Variants in ROBO2 observed in about 807,000 individuals in gnomAD.
The protein encoded by ROBO2 is roundabout homolog 2.
In ROBO2, 53 loss-of-function variants were observed where a neutral mutation model predicts 160.8. The observed-to-expected ratio is 0.33, with a 90% CI of 0.26 to 0.41. The LOEUF is 0.41. Among genes scored for constraint, ROBO2 ranks in the 10% least tolerant of loss-of-function variants. The probability of loss-of-function intolerance (pLI) is 1.00; values close to 1 mark genes in which losing one functional copy is unlikely to be tolerated. For missense variants in ROBO2, 1,577 were observed against 1,722.4 expected (o/e 0.92, Z 1.49); for synonymous variants, 664 against 611.7 (o/e 1.09, Z -1.26).
intron 2 of ROBO2, among the ~76,000 whole-genome samples, chr3:76,273,392 A>G (rs1308919103): frequency 1.3e-5 from 2 of 151,896 alleles, no homozygotes; most frequent in Non-Finnish European, 2.9e-5. Context: ...TGCTACTGTA[A>G]CAGAATAACA....
intron 5 of ROBO2, among the ~76,000 whole-genome samples, chr3:77,512,578 C>A (rs1354137597): frequency 6.6e-6 from 1 of 151,834 alleles, no homozygotes; most frequent in Non-Finnish European, 1.5e-5. Flanking sequence ...GTACAGGGTT[C>A]CATAAGATGA....
At chr3:76,546,754 A>G (rs2083126973) in intron 2 of ROBO2, among the ~76,000 whole-genome samples, 1 of 151,832 alleles carries the variant, frequency 6.6e-6, no homozygotes, top group Non-Finnish European at 1.5e-5. Context: ...ACAGTAAATT[A>G]TTTTTTGTTT....
Position 76,628,670 on chromosome 3 carries a change from C to A in ROBO2, c.110-469344C>A, listed in dbSNP as rs1454035061. Among the ~76,000 whole-genome samples, 4 of 152,116 alleles carry A rather than the reference C, an allele frequency of 2.6e-5. No homozygotes were observed. In the East Asian group the frequency reaches 7.7e-4, roughly 29 times the overall value. ...GTATCTAATGTTATCTGATATGCTTCTCTTTAAACAGCTGTGAAAATGTAG... is the reference window on the plus strand; with the variant it reads ...GTATCTAATGTTATCTGATATGCTTATCTTTAAACAGCTGTGAAAATGTAG... On this transcript the variant is annotated intron_variant, in intron 2 of 26. Coordinates refer to the ROBO2 transcript ENST00000487694.
chr3:77,278,564 T>A lies in ROBO2; in HGVS notation c.388+180224T>A, dbSNP rs955981326. 2.0e-5 allele frequency among the ~76,000 whole-genome samples: 3 copies of A among 152,168 alleles called. No individual in the cohort carries two copies. In the East Asian group the frequency reaches 5.8e-4, roughly 29 times the overall value. ...GCTTATTAGAATCCAGGTACAGTGT[T>A]AAAAACTTTCCATAGATTTTCTAAT... On this transcript the variant is annotated intron_variant, in intron 2 of 25. Transcript: ENST00000461745.
At chr3:76,054,213 G>A (rs189585849) in intron 2 of ROBO2, among the ~76,000 whole-genome samples, 21 of 152,172 alleles carry the variant, frequency 1.4e-4, no homozygotes, top group African/African-American at 5.1e-4. Flanking sequence ...GAGGTGAAAT[G>A]TCTTAGTTTA....
intron 2 of ROBO2, among the ~76,000 whole-genome samples, chr3:75,972,621 T>C (rs1164658395): frequency 6.6e-6 from 1 of 151,686 alleles, no homozygotes; most frequent in African/African-American, 2.4e-5. Context: ...GGCATAATTT[T>C]CTTGAATTCA....
intron 1 of ROBO2, among the ~76,000 whole-genome samples, chr3:77,053,252 C>A (rs2065396136): frequency 1.3e-5 from 2 of 152,158 alleles, no homozygotes; most frequent in African/African-American, 4.8e-5. Flanking sequence ...CAACATTAAG[C>A]AGGCTGTTAA....
At chr3:76,680,445 G>T (rs992513001) in intron 2 of ROBO2, among the ~76,000 whole-genome samples, 2 of 149,840 alleles carry the variant, frequency 1.3e-5, no homozygotes, top group Non-Finnish European at 3.0e-5. Context: ...CATTTAAAAT[G>T]TATTTTTTAA....
At chr3:76,109,403 C>T (rs2070111713) in intron 2 of ROBO2, among the ~76,000 whole-genome samples, 1 of 151,938 alleles carries the variant, frequency 6.6e-6, no homozygotes, top group Non-Finnish European at 1.5e-5. Context: ...CGCAAGATGT[C>T]AGGTACCACT....
intron 23 of ROBO2, among the ~76,000 whole-genome samples, chr3:77,624,843 C>T (rs1409934434): frequency 3.9e-5 from 6 of 152,150 alleles, no homozygotes; most frequent in Non-Finnish European, 8.8e-5. Context: ...ATGGGTTACA[C>T]AGTCCCTGAA....
intron 2 of ROBO2, among the ~76,000 whole-genome samples, chr3:77,457,100 G>A (rs968486020): frequency 1.3e-5 from 2 of 152,176 alleles, no homozygotes; most frequent in African/African-American, 2.4e-5. Flanking sequence ...GCAATCTACA[G>A]GCACTATTAG....
intron 2 of ROBO2, among the ~76,000 whole-genome samples, chr3:76,751,721 G>A (rs1479722875): frequency 6.6e-6 from 1 of 152,148 alleles, no homozygotes; most frequent in East Asian, 1.9e-4. Flanking sequence ...TCAGAGAAAT[G>A]CAAATCAAAA....
At chr3:77,188,968 T>TGAGA (rs1553828869) in intron 2 of ROBO2, among the ~76,000 whole-genome samples, 2,203 of 142,244 alleles carry the variant, frequency 0.015, 67 homozygotes, top group African/African-American at 0.053. Flanking sequence ...TGTGTGTGTG[T>TGAGA]GAGAGAGAGA....
chr3:76,054,364 G>A (rs986245847), intron 2 of ROBO2, among the ~76,000 whole-genome samples: 4 of 152,092 alleles, frequency 2.6e-5, no homozygotes, highest in Non-Finnish European at 5.9e-5. Context: ...GACATGTCAA[G>A]TCACTTTTCT....
intron 6 of ROBO2, among the ~76,000 whole-genome samples, chr3:77,527,740 T>C (rs1916694): frequency 0.042 from 6,419 of 151,594 alleles, 435 homozygotes; most frequent in African/African-American, 0.14. Context: ...CTCTCCTTTT[T>C]TGTATGTATA....
chr3:77,603,255 A>G (rs1208922794), intron 20 of ROBO2, among the ~76,000 whole-genome samples: 1 of 152,180 alleles, frequency 6.6e-6, no homozygotes, highest in Non-Finnish European at 1.5e-5. Context: ...CCTTTTATAT[A>G]CTAACTCTAT....
At chr3:76,962,217 C>A (rs988613355) in intron 2 of ROBO2, among the ~76,000 whole-genome samples, 1 of 151,998 alleles carries the variant, frequency 6.6e-6, no homozygotes, top group South Asian at 2.1e-4. Flanking sequence ...TGCCTGTAAT[C>A]CAAGCTACTT....
chr3:77,630,227 A>AG (rs2095129490), intron 23 of ROBO2: 1 of 152,220 alleles, frequency 6.6e-6, no homozygotes, highest in South Asian at 2.1e-4. Context: ...CAGGTATATT[A>AG]GTCTGTTTTC....
At chr3:77,137,357 GCTGGGATTACAGGCATGCGCCA>G (rs1427128160) in intron 2 of ROBO2, among the ~76,000 whole-genome samples, 1 of 152,144 alleles carries the variant, frequency 6.6e-6, no homozygotes, top group Non-Finnish European at 1.5e-5. Context: ...CTCCTGAATA[GCTGGGATTACAGGCATGCGCCA>G]CCACGCCCAG....
Sources: gnomAD v4.1 joint callset for allele counts (sites outside exome capture counted in the v4.1 genomes callset) on GRCh38, gnomAD v4.1.1 for gene constraint, MANE v1.5 for transcripts, NCBI Gene and HGNC (gene_info 2026-07-23, HGNC 2026-07-21) for gene names.